Variants in SYT2 observed in about 807,000 individuals in gnomAD.
SYT2 encodes synaptotagmin 2.
In SYT2, 15 loss-of-function variants were observed where a neutral mutation model predicts 39.9. That is an observed-to-expected ratio of 0.38 (90% CI 0.25 to 0.58). The LOEUF (loss-of-function observed/expected upper bound fraction) is 0.58. Ranked by LOEUF, SYT2 falls within the 20% of genes least tolerant of loss-of-function variation. The pLI is 0.70. For synonymous variants in SYT2, 181 were observed against 204.5 expected (o/e 0.89, Z 0.98); for missense variants, 389 against 530.3 (o/e 0.73, Z 2.62).
chr1:202,708,923 TTC>T (rs1237204978), intron 1 of SYT2, among the ~76,000 whole-genome samples: 3 of 152,222 alleles, frequency 2.0e-5, no homozygotes, highest in South Asian at 2.1e-4. Context: ...GCTTCCCTGC[TTC>T]TGTCACCCCC....
intron 1 of SYT2, among the ~76,000 whole-genome samples, chr1:202,624,922 GTGTC>G (rs1691332348): frequency 6.6e-6 from 1 of 150,416 alleles, no homozygotes; most frequent in East Asian, 2.0e-4. Context: ...TGTGTGGTGT[GTGTC>G]TGTGTGGTGT....
At chr1:202,635,420 C>T (rs1691713214) in intron 1 of SYT2, among the ~76,000 whole-genome samples, 1 of 152,210 alleles carries the variant, frequency 6.6e-6, no homozygotes, top group Admixed American at 6.5e-5. Context: ...GAGACAGGCA[C>T]CAGAAGGGAA....
chr1:202,636,601 G>A (rs934679966), intron 1 of SYT2: 1 of 154,570 alleles, frequency 6.5e-6, no homozygotes, highest in African/African-American at 2.4e-5. Context: ...TGGATTCTAG[G>A]TTCTTCTCAT....
intron 1 of SYT2, among the ~76,000 whole-genome samples, chr1:202,709,156 CA>C (rs1654326523): frequency 6.6e-6 from 1 of 152,196 alleles, no homozygotes; most frequent in Admixed American, 6.5e-5. Context: ...ACTACCTGCC[CA>C]CGGGGCCTCT....
rs564103850 is a variant in SYT2, at chr1:202,614,891, G to A, written c.-17-9102C>T. On this transcript the variant is annotated intron_variant, in intron 1 of 8. Transcript: ENST00000367268. This position sits in a 1 kb window ranked among gnomAD's most constrained non-coding sequence, Gnocchi z 4.0. ...CAGGATCAGGAGCACCATAGGCCGC[G>A]TCAAGGAGTTTTGTCTTTCCCAAAG... 5.9e-5 allele frequency among the ~76,000 whole-genome samples: 9 copies of A among 152,316 alleles called. No individual in the cohort carries two copies. In the South Asian group the frequency reaches 1.4e-3, roughly 25 times the overall value.
At chr1:202,639,797 G>A in intron 1 of SYT2, 13 of 985,486 alleles carry the variant, frequency 1.3e-5, no homozygotes, top group Non-Finnish European at 1.6e-5. Flanking sequence ...CCTGAGGCCA[G>A]TGCGCAGCAA....
chr1:202,601,893 C>T lies in SYT2; in HGVS notation c.798G>A (p.Glu266=), dbSNP rs1372365552. The T allele has an allele frequency of 1.9e-6, 3 of 1,613,612 alleles. No homozygotes were observed. In the African/African-American group the frequency reaches 4.0e-5, roughly 22 times the overall value. ...EWRDLQGGEK[E]EPEKLGDICT... ...CTGGCCTCATCTCTGCTCTTACCTCCTCCTTTTCCCCGCCTTGCAGGTCTC... is the reference window on the plus strand; with the variant it reads ...CTGGCCTCATCTCTGCTCTTACCTCTTCCTTTTCCCCGCCTTGCAGGTCTC... The change falls in exon 6 of 9, where the codon GAG becomes GAA. Residue 266 remains glutamate, a synonymous_variant. Transcript: ENST00000367268. The surrounding 1 kb of genome is among the most constrained non-coding windows in gnomAD (Gnocchi z 4.0).
intron 1 of SYT2, among the ~76,000 whole-genome samples, chr1:202,659,957 T>C (rs1223438412): frequency 6.6e-6 from 1 of 152,134 alleles, no homozygotes; most frequent in Non-Finnish European, 1.5e-5. Context: ...AGGCAGGAGG[T>C]ACCTCCAGAC....
Position 202,594,914 on chromosome 1 carries a change from A to G in SYT2, c.*1843T>C, listed in dbSNP as rs998974914. 2 of 152,362 alleles carry G rather than the reference A, an allele frequency of 1.3e-5. No homozygotes were observed. Among genetic ancestry groups the G allele is most frequent in the East Asian group, 3.9e-4 (2 of 5,180 alleles). 9.4% of individuals were successfully genotyped at this position (152,362 alleles called of 1,614,324 possible). On this transcript the variant is annotated 3_prime_UTR_variant, in exon 9 of 9. Coordinates refer to ENST00000367268, the MANE Select transcript of SYT2 (RefSeq NM_177402.5). ...AAATAAAATAAAAAGACACTCTGCA[A>G]CTTCTTCACACTGGATCCTCAAAGC... is the stretch of plus-strand genomic sequence containing the variant.
chr1:202,652,783 C>G (rs1692216027), intron 1 of SYT2, among the ~76,000 whole-genome samples: 2 of 152,224 alleles, frequency 1.3e-5, no homozygotes, highest in Non-Finnish European at 2.9e-5. Flanking sequence ...GTGGCTCTGC[C>G]TTGTGCTAAC....
At chr1:202,705,621 C>T (rs545208934) in intron 1 of SYT2, among the ~76,000 whole-genome samples, 1 of 152,276 alleles carries the variant, frequency 6.6e-6, no homozygotes, top group African/African-American at 2.4e-5. Context: ...AATCTAACCT[C>T]CTCCCTGGCA....
In SYT2 at chr1:202,596,304, CACAT is replaced by C. The variant is rs1251298377; in HGVS notation, c.*449_*452del. The C allele has an allele frequency of 0.088, 2,862 of 32,602 alleles. 173 individuals carry two copies. Among genetic ancestry groups the C allele is most frequent in the Admixed American group, 0.13 (312 of 2,334 alleles). The allele number at this position is 32,602 out of a possible 1,614,324, so 2.0% of individuals were successfully genotyped here. On this transcript the variant is annotated 3_prime_UTR_variant, in exon 9 of 9. Transcript: ENST00000367268. ...ACACACACACACACACACACACACA[CACAT>C]ACACACACACACACACACACACACA...
At position 202,654,422 on chromosome 1, in the gene SYT2, C is replaced by T. The variant is rs181864767; in HGVS notation, c.-17-48633G>A. Reference sequence around the variant, plus strand: ...CCCTGTTTCTTCGAAGGCACCAGAACGCCTTCCTCCAGCCTCTCCGCCCAA... The same window carrying T: ...CCCTGTTTCTTCGAAGGCACCAGAATGCCTTCCTCCAGCCTCTCCGCCCAA... On this transcript the variant is annotated intron_variant, in intron 1 of 8. Transcript: ENST00000367268. Among the ~76,000 whole-genome samples, 620 of 152,326 alleles carry T rather than the reference C, an allele frequency of 4.1e-3. 3 individuals carry two copies. The Middle Eastern group carries it at 0.054, about 13-fold the overall frequency.
Position 202,604,460 on chromosome 1 carries a change from C to A in SYT2, c.340G>T (p.Gly114Cys), listed in dbSNP as rs776145936. ...TCACAACCAATGTGCCCTACCTGAC[C>A]CCCTTTCATGTCCTTCATGTTCATG... ...NAMNMKDMKG[G>C]QDDDDAETGL... is the part of the protein sequence containing the mutation. Residue 114 changes from glycine (G) to cysteine (C), a missense_variant, in exon 3 of 9, where the codon GGT becomes TGT. Coordinates refer to ENST00000367268, the MANE Select transcript of SYT2 (RefSeq NM_177402.5). 1 of 1,614,096 alleles carries A rather than the reference C, an allele frequency of 6.2e-7. No individual in the cohort carries two copies. The highest frequency in any genetic ancestry group is 2.2e-5 in the East Asian group (1 of 44,882).
Position 202,596,964 on chromosome 1 carries a change from C to G in SYT2, c.1054-1G>C, listed in dbSNP as rs771099588. On this transcript the variant is annotated splice_acceptor_variant, in intron 8 of 8. Transcript: ENST00000367268. LOFTEE classifies it high-confidence loss of function. ...GCACGGTGACCACTACCTGGACTTT[C>G]TGCAAGGAAAACGAGGGAGGGAGTT... The G allele has an allele frequency of 6.2e-7, 1 of 1,612,196 alleles. No individual in the cohort carries two copies. Among genetic ancestry groups the G allele is most frequent in the South Asian group, 1.1e-5 (1 of 91,022 alleles).
intron 1 of SYT2, among the ~76,000 whole-genome samples, chr1:202,661,305 T>TGCCACCTACTGGGTGGCACCTACTGGG (rs1558452676): frequency 4.0e-5 from 6 of 151,880 alleles, no homozygotes; most frequent in Non-Finnish European, 7.4e-5. Context: ...AGTTATCACT[T>TGCCACCTACTGGGTGGCACCTACTGGG]GCCACCTACT....
rs752677756 is a variant in SYT2 at position 202,605,711 on chromosome 1, G to A, written c.62C>T (p.Thr21Met). 47 of 1,613,912 alleles carry A rather than the reference G, an allele frequency of 2.9e-5. No homozygotes were observed. Among genetic ancestry groups the A allele is most frequent in the East Asian group, 6.7e-5 (3 of 44,884 alleles). The part of the protein sequence containing the change: ...PIVAPATTTA[T>M]MPIGPVDNST... ...GTTGTCCACGGGTCCAATGGGCATCGTGGCGGTGGTGGTGGCAGGAGCCAC... is the reference window on the plus strand; with the variant it reads ...GTTGTCCACGGGTCCAATGGGCATCATGGCGGTGGTGGTGGCAGGAGCCAC... The change falls in exon 2 of 9, where the codon ACG (threonine) becomes ATG (methionine). Residue 21 changes from threonine (T) to methionine (M), a missense_variant. By Grantham distance (81) the Thr-to-Met change is moderately conservative (BLOSUM62 -1). Transcript: ENST00000367268.
Position 202,595,569 on chromosome 1 carries a change from C to G in SYT2, c.*1188G>C, listed in dbSNP as rs895918314. On this transcript the variant is annotated 3_prime_UTR_variant, in exon 9 of 9. Transcript: ENST00000367268. ...GTCCCCCATCCTCTTCTTACCACCC[C>G]CTTCTTACCTGGACCTCAGGAGAAC... The G allele has an allele frequency of 3.3e-5, 5 of 152,250 alleles. No homozygotes were observed. The highest frequency in any genetic ancestry group is 1.3e-4 in the Admixed American group (2 of 15,280). 9.4% of individuals were successfully genotyped at this position (152,250 alleles called of 1,614,324 possible).
intron 1 of SYT2, among the ~76,000 whole-genome samples, chr1:202,696,940 C>G (rs533119619): frequency 6.6e-6 from 1 of 152,340 alleles, no homozygotes; most frequent in South Asian, 2.1e-4. Context: ...ACCTCTCCCC[C>G]ACCACCTCTG....
Sources: allele counts gnomAD v4.1 joint callset (sites outside exome capture counted in the v4.1 genomes callset), GRCh38; gene constraint gnomAD v4.1.1; non-coding constraint Gnocchi (gnomAD v3.1); transcripts MANE v1.5; gene names NCBI Gene and HGNC (gene_info 2026-07-23, HGNC 2026-07-21).